SGCZ: variants seen among roughly 807,000 people sequenced by gnomAD.
SGCZ encodes zeta-sarcoglycan.
A neutral mutation model predicts 41.3 loss-of-function variants in SGCZ; 40 were observed. The observed-to-expected ratio is 0.97, with a 90% CI of 0.75 to 1.26. SGCZ has a LOEUF of 1.26. SGCZ is among the 50% of genes most tolerant of loss of function. SGCZ has a pLI of 0.00. For synonymous variants in SGCZ, 206 were observed against 137.5 expected (o/e 1.50, Z -3.49); for missense variants, 552 against 369.8 (o/e 1.49, Z -4.04).
At chr8:14,680,292 C>T (rs1429734339) in intron 1 of SGCZ, among the ~76,000 whole-genome samples, 5 of 152,058 alleles carry the variant, frequency 3.3e-5, no homozygotes, top group Non-Finnish European at 7.4e-5. Context: ...TCATTATAAA[C>T]TTAACAAAAC....
chr8:15,091,351 A>G (rs1806148625), intron 1 of SGCZ, among the ~76,000 whole-genome samples: 1 of 152,232 alleles, frequency 6.6e-6, no homozygotes, highest in South Asian at 2.1e-4. Context: ...AATTCAATTA[A>G]ACCAAGACTT....
At chr8:14,988,421 G>C (rs573555050) in intron 1 of SGCZ, among the ~76,000 whole-genome samples, 2 of 151,840 alleles carry the variant, frequency 1.3e-5, no homozygotes, top group East Asian at 1.9e-4. Flanking sequence ...CTTCCTTAGT[G>C]TTTCTATAGA....
At chr8:14,932,848 G>C (rs1799957922) in intron 1 of SGCZ, among the ~76,000 whole-genome samples, 1 of 151,972 alleles carries the variant, frequency 6.6e-6, no homozygotes, top group African/African-American at 2.4e-5. Context: ...AAATGTCAAA[G>C]TCCAAAAGTG....
chr8:14,498,759 C>T (rs1336039533), intron 2 of SGCZ, among the ~76,000 whole-genome samples: 1 of 151,910 alleles, frequency 6.6e-6, no homozygotes, highest in African/African-American at 2.4e-5. Flanking sequence ...TTATATTAAT[C>T]CCTGTGGCTA....
At chr8:14,523,435 G>A (rs963578832) in intron 2 of SGCZ, among the ~76,000 whole-genome samples, 3 of 151,972 alleles carry the variant, frequency 2.0e-5, no homozygotes, top group African/African-American at 7.2e-5. Flanking sequence ...AGTCAAAACA[G>A]GATTCTAGTT....
intron 1 of SGCZ, among the ~76,000 whole-genome samples, chr8:15,088,373 T>C (rs1001749753): frequency 6.6e-6 from 1 of 152,178 alleles, no homozygotes; most frequent in African/African-American, 2.4e-5. Context: ...ATTACATTAA[T>C]TCTGCTCAAA....
At chr8:14,381,279 GA>G (rs1175422596) in intron 2 of SGCZ, among the ~76,000 whole-genome samples, 1 of 152,202 alleles carries the variant, frequency 6.6e-6, no homozygotes, top group Non-Finnish European at 1.5e-5. Flanking sequence ...CAACAGCTAG[GA>G]AGGTTCAGAG....
chr8:14,446,101 CAAGT>C (rs1800425396), intron 2 of SGCZ, among the ~76,000 whole-genome samples: 1 of 152,078 alleles, frequency 6.6e-6, no homozygotes. Flanking sequence ...TTTTCGTACC[CAAGT>C]AAGTCATAGT....
intron 1 of SGCZ, among the ~76,000 whole-genome samples, chr8:14,646,764 A>G (rs6981990): frequency 6.6e-6 from 1 of 151,842 alleles, no homozygotes; most frequent in South Asian, 2.1e-4. Flanking sequence ...ATTTTGTTCA[A>G]TTGTCCATTT....
intron 7 of SGCZ, among the ~76,000 whole-genome samples, chr8:14,099,609 C>T (rs938601790): frequency 6.6e-6 from 1 of 151,994 alleles, no homozygotes; most frequent in African/African-American, 2.4e-5. Context: ...CCTGTAATCC[C>T]ACCTACTAGG....
intron 1 of SGCZ, among the ~76,000 whole-genome samples, chr8:14,755,307 A>C (rs1285201279): frequency 6.6e-6 from 1 of 152,058 alleles, no homozygotes; most frequent in Non-Finnish European, 1.5e-5. Context: ...ATTGATTTTC[A>C]CATTAAAATG....
chr8:14,269,769 TG>T (rs1800000226), intron 3 of SGCZ, among the ~76,000 whole-genome samples: 1 of 152,116 alleles, frequency 6.6e-6, no homozygotes, highest in Non-Finnish European at 1.5e-5. Flanking sequence ...GTCAACTGAT[TG>T]GGGACACTGC....
chr8:14,755,966 T>C (rs1200520166), intron 1 of SGCZ, among the ~76,000 whole-genome samples: 13 of 152,144 alleles, frequency 8.5e-5, no homozygotes, highest in Admixed American at 6.5e-4. Context: ...AATACATAAA[T>C]ATGTAGTTCA....
At chr8:14,967,416 C>A (rs1207445269) in intron 1 of SGCZ, among the ~76,000 whole-genome samples, 6 of 152,156 alleles carry the variant, frequency 3.9e-5, no homozygotes, top group Admixed American at 2.6e-4. Flanking sequence ...GCTCACTCTA[C>A]TTTTTCCTCA....
intron 1 of SGCZ, among the ~76,000 whole-genome samples, chr8:14,849,499 T>C (rs949166120): frequency 2.0e-5 from 3 of 152,166 alleles, no homozygotes; most frequent in African/African-American, 7.2e-5. Flanking sequence ...TATTGATATA[T>C]ACTACAACAT....
intron 1 of SGCZ, among the ~76,000 whole-genome samples, chr8:15,007,540 T>C (rs926592000): frequency 1.3e-5 from 2 of 152,226 alleles, no homozygotes; most frequent in Non-Finnish European, 2.9e-5. Context: ...ACTGACAGCG[T>C]AACTCAAGGC....
chr8:14,088,042 T>A lies in SGCZ; in HGVS notation c.*2401A>T, dbSNP rs1449030916. Reference sequence around the variant, plus strand: ...AATTAAAAATGTGTCAGTCCCTCACTGGAATCGGTTTTTACATCTTTTTTT... The same window carrying A: ...AATTAAAAATGTGTCAGTCCCTCACAGGAATCGGTTTTTACATCTTTTTTT... On this transcript the variant is annotated 3_prime_UTR_variant, in exon 8 of 8. Transcript: ENST00000382080. 2.0e-5 allele frequency among the ~76,000 whole-genome samples: 3 copies of A among 151,874 alleles called. No homozygotes were observed. Among genetic ancestry groups the A allele is most frequent in the Non-Finnish European group, 2.9e-5 (2 of 67,832 alleles).
rs775874986 is a variant in SGCZ, at chr8:14,408,948, A to AGTGTGTGTGTGTGTGTGT, written c.235-84745_235-84744insACACACACACACACACAC. 8.6e-4 allele frequency among the ~76,000 whole-genome samples: 97 copies of AGTGTGTGTGTGTGTGTGT among 112,192 alleles called. 1 individual carries two copies. Among genetic ancestry groups the AGTGTGTGTGTGTGTGTGT allele is most frequent in the African/African-American group, 2.9e-3 (94 of 32,606 alleles). 73.6% of individuals were successfully genotyped at this position (112,192 alleles called of 152,430 possible). A position where few individuals can be genotyped will look rare whatever the true frequency, so the allele number is the denominator to read the frequency against. On this transcript the variant is annotated intron_variant, in intron 2 of 7. Coordinates refer to ENST00000382080, the MANE Select transcript of SGCZ (RefSeq NM_139167.4). Reference sequence around the variant, plus strand: ...TAAAAGCTAACACATTTTTAAATTAAGAGAGTGTGTGTGTGTGTGTGTGCA... The same window carrying AGTGTGTGTGTGTGTGTGT: ...TAAAAGCTAACACATTTTTAAATTAAGTGTGTGTGTGTGTGTGTGAGAGTGTGTGTGTGTGTGTGTGCA...
chr8:14,712,602 A>C (rs779100319), intron 1 of SGCZ, among the ~76,000 whole-genome samples: 3 of 152,194 alleles, frequency 2.0e-5, no homozygotes, highest in Admixed American at 1.3e-4. Flanking sequence ...TTCCCTTATC[A>C]CATGACTTGA....
Sources: allele counts gnomAD v4.1 joint callset (sites outside exome capture counted in the v4.1 genomes callset), GRCh38; gene constraint gnomAD v4.1.1; transcripts MANE v1.5; gene names NCBI Gene and HGNC (gene_info 2026-07-23, HGNC 2026-07-21).